The following ZCCHC2 variants were observed in gnomAD, a reference collection of about 807,000 sequenced individuals.
ZCCHC2 encodes the protein zinc finger CCHC-type containing 2.
Under a neutral mutation model 103.6 loss-of-function variants are expected in ZCCHC2, and 39 were observed. That is an observed-to-expected ratio of 0.38 (90% CI 0.29 to 0.49). ZCCHC2 has a LOEUF of 0.49. Ranked by LOEUF, ZCCHC2 falls within the 20% of genes least tolerant of loss-of-function variation. The pLI, the probability that ZCCHC2 is intolerant of heterozygous loss-of-function variation, is 0.96. For synonymous variants in ZCCHC2, 687 were observed against 608.9 expected (o/e 1.13, Z -1.89); for missense variants, 1,483 against 1,491.0 (o/e 0.99, Z 0.09).
In ZCCHC2 at chr18:62,571,661, C is replaced by T. The variant is rs1449653990; in HGVS notation, c.1975+1430C>T. Among the ~76,000 whole-genome samples the T allele has an allele frequency of 3.9e-5, 6 of 152,270 alleles. No individual in the cohort carries two copies. In the East Asian group the frequency reaches 7.7e-4, roughly 20 times the overall value. The stretch of plus-strand genomic sequence containing the variant: ...TGTCATTCTTTATGCATGATGACAA[C>T]GTCTGATTGGTAACACCTTGGTTAC... On this transcript the variant is annotated intron_variant, in intron 12 of 13. Transcript: ENST00000269499.
chr18:62,569,501 G>GAAA (rs146238632), intron 11 of ZCCHC2, among the ~76,000 whole-genome samples: 21 of 149,208 alleles, frequency 1.4e-4, no homozygotes, highest in Admixed American at 2.7e-4. Context: ...GCCACTACAG[G>GAAA]AAAAAAAAAA....
At chr18:62,586,555 G>C (rs1052316) in exon 15 of ZCCHC2, 3 of 151,842 alleles carry the variant, frequency 2.0e-5, no homozygotes, top group Admixed American at 6.5e-5. Context: ...TGAATTAGGC[G>C]TAGCTCTTGG....
Position 62,574,805 on chromosome 18 carries a change from A to G in ZCCHC2, c.2724A>G (p.Ser908=), listed in dbSNP as rs1916748904. 1.2e-6 allele frequency: 2 copies of G among 1,613,790 alleles called. No homozygotes were observed. Among genetic ancestry groups the G allele is most frequent in the African/African-American group, 2.7e-5 (2 of 74,878 alleles). Residue 908 remains serine, a synonymous_variant, in exon 13 of 14, where the codon TCA becomes TCG. Transcript: ENST00000269499. ...VKVVLPAAGL[S]AAQPPASYPL... is the part of the protein sequence containing the mutation. ...TAGTTCTTCCAGCAGCTGGCCTCTC[A>G]GCTGCTCAGCCACCAGCTTCCTACC...
chr18:62,575,443 G>T lies in ZCCHC2; in HGVS notation c.3362G>T (p.Ser1121Ile). Residue 1121 changes from serine (S) to isoleucine (I), a missense_variant, in exon 13 of 14, where the codon AGT becomes ATT. Transcript: ENST00000269499. ...GCACCTAACGTAGTTGCCAACACCA[G>T]TGGTTCGGGGCCCAAGAAGAATGGG... ...YPAPNVVANT[S>I]GSGPKKNGNV... 1.2e-6 allele frequency: 2 copies of T among 1,614,032 alleles called. No homozygotes were observed. Among genetic ancestry groups the T allele is most frequent in the Non-Finnish European group, 1.7e-6 (2 of 1,179,892 alleles).
intron 6 of ZCCHC2, 55 bp from the exon 7 acceptor site, chr18:62,558,632 G>A: frequency 2.8e-6 from 3 of 1,061,132 alleles, no homozygotes; most frequent in Non-Finnish European, 4.0e-6. Flanking sequence ...TATTATATTT[G>A]TTTTCTTTAT....
chr18:62,576,467 C>A (rs148664996), intron 13 of ZCCHC2, 45 bp from the exon 14 acceptor site: 44 of 1,537,872 alleles, frequency 2.9e-5, no homozygotes, highest in Non-Finnish European at 3.7e-5. Context: ...TTTGTGATGA[C>A]GTTTGCTTGT....
chr18:62,563,234 A>C (rs1916204075), intron 9 of ZCCHC2, 90 bp downstream of exon 9: 2 of 1,447,116 alleles, frequency 1.4e-6, no homozygotes, highest in Admixed American at 4.1e-5. Context: ...TCAGTCAGAC[A>C]GTATATCTGG....
At chr18:62,525,681 A>G (rs993591016) in intron 1 of ZCCHC2, among the ~76,000 whole-genome samples, 8 of 151,962 alleles carry the variant, frequency 5.3e-5, no homozygotes, top group African/African-American at 1.7e-4. Context: ...TGAGGTAACT[A>G]ATTCATGTTT....
Position 62,523,507 on chromosome 18 carries a change from G to A in ZCCHC2, c.83G>A (p.Arg28Gln). 2.0e-6 allele frequency: 2 copies of A among 983,340 alleles called. No individual in the cohort carries two copies. Among genetic ancestry groups the A allele is most frequent in the Non-Finnish European group, 2.4e-6 (2 of 828,870 alleles). 60.9% of individuals were successfully genotyped at this position (983,340 alleles called of 1,614,324 possible). The stretch of plus-strand genomic sequence containing the variant: ...GCGGAGGAGCCCGAGGCGGACGCGC[G>A]GCCGGGCGCGAAGGCGCCTTCGCGC... ...PEAEEPEADARPGAKAPSRRR... is the reference protein window; with the variant it reads ...PEAEEPEADAQPGAKAPSRRR... The change falls in exon 1 of 14, where the codon CGG becomes CAG. Residue 28 changes from arginine (R) to glutamine (Q), a missense_variant. Around this residue, in one of 3 missense-constraint regions of ZCCHC2, gnomAD observed 568 missense variants for 525.1 expected, o/e 1.08. Transcript: ENST00000269499.
Position 62,564,563 on chromosome 18 carries a change from T to A in ZCCHC2, c.1687-8T>A, listed in dbSNP as rs1166865333. 1 of 1,525,466 alleles carries A rather than the reference T, an allele frequency of 6.6e-7. No homozygotes were observed. The highest frequency in any genetic ancestry group is 1.3e-5 in the South Asian group (1 of 79,786). 94.5% of individuals were successfully genotyped at this position (1,525,466 alleles called of 1,614,324 possible). ...TTGTCTGATTTGTCTTTTTATTCTTTCTACTAGCATTCTGCTGAAAAACGG... is the reference window on the plus strand; with the variant it reads ...TTGTCTGATTTGTCTTTTTATTCTTACTACTAGCATTCTGCTGAAAAACGG... On this transcript the variant is annotated splice_polypyrimidine_tract_variant and splice_region_variant and intron_variant, in intron 9 of 13. Coordinates refer to ENST00000269499, the MANE Select transcript of ZCCHC2 (RefSeq NM_017742.6).
At position 62,578,418 on chromosome 18, in the gene ZCCHC2, T is replaced by G. The variant is rs1199097927; in HGVS notation, c.*1839T>G. Reference sequence around the variant, plus strand: ...TATTTTATGATTTAAAATACTGTACTGTACATAGGAGGTATGTTACCTTCT... The same window carrying G: ...TATTTTATGATTTAAAATACTGTACGGTACATAGGAGGTATGTTACCTTCT... On this transcript the variant is annotated 3_prime_UTR_variant, in exon 14 of 14. Transcript: ENST00000269499. 1 of 152,670 alleles carries G rather than the reference T, an allele frequency of 6.6e-6. No individual in the cohort carries two copies. Among genetic ancestry groups the G allele is most frequent in the Non-Finnish European group, 1.5e-5 (1 of 68,044 alleles). The allele number at this position is 152,670 out of a possible 1,614,324, so 9.5% of individuals were successfully genotyped here.
intron 2 of ZCCHC2, among the ~76,000 whole-genome samples, chr18:62,541,639 C>T (rs1915186855): frequency 6.6e-6 from 1 of 152,146 alleles, no homozygotes; most frequent in Non-Finnish European, 1.5e-5. Context: ...CTGATATTAC[C>T]TCCCTCATTA....
chr18:62,549,342 A>T (rs1915565263), intron 4 of ZCCHC2, among the ~76,000 whole-genome samples: 1 of 152,274 alleles, frequency 6.6e-6, no homozygotes, highest in Non-Finnish European at 1.5e-5. Context: ...CTGACAGAGC[A>T]TCTTGATCTT....
chr18:62,548,887 T>C (rs1199917732), intron 4 of ZCCHC2, among the ~76,000 whole-genome samples: 1 of 150,646 alleles, frequency 6.6e-6, no homozygotes, highest in Non-Finnish European at 1.5e-5. Context: ...ATCATGCCAC[T>C]GCACTCCAGC....
At chr18:62,558,019 GT>G (rs58635928) in intron 6 of ZCCHC2, among the ~76,000 whole-genome samples, 33,340 of 146,806 alleles carry the variant, frequency 0.23, 3,869 homozygotes, top group South Asian at 0.31. Context: ...ACACTGTTGG[GT>G]TTTTTTTTTT....
Position 62,558,784 on chromosome 18 carries a change from C to G in ZCCHC2, c.1492+14C>G, listed in dbSNP as rs200591400. 4.3e-4 allele frequency: 654 copies of G among 1,508,180 alleles called. 3 individuals carry two copies. The highest frequency in any genetic ancestry group is 3.9e-3 in the South Asian group (307 of 79,710). 93.4% of individuals were successfully genotyped at this position (1,508,180 alleles called of 1,614,324 possible). ...GTCAAGAAGAAGGTAAAGGTAGATT[C>G]ACTAGAGTAAATCATTCTGCCTGCT... On this transcript the variant is annotated intron_variant, in intron 7 of 13. Coordinates refer to ENST00000269499, the MANE Select transcript of ZCCHC2 (RefSeq NM_017742.6).
intron 1 of ZCCHC2, among the ~76,000 whole-genome samples, chr18:62,538,541 G>C (rs965015657): frequency 2.0e-5 from 3 of 152,128 alleles, no homozygotes; most frequent in African/African-American, 7.2e-5. Flanking sequence ...AATTGGTAAA[G>C]GCTATCAGGC....
chr18:62,532,129 G>A (rs1277645728), intron 1 of ZCCHC2, among the ~76,000 whole-genome samples: 4 of 152,354 alleles, frequency 2.6e-5, no homozygotes, highest in Admixed American at 1.3e-4. Flanking sequence ...GTGTGCGCGC[G>A]CGCGCACGTG....
At chr18:62,561,882 A>G (rs556205874) in intron 8 of ZCCHC2, among the ~76,000 whole-genome samples, 1 of 152,282 alleles carries the variant, frequency 6.6e-6, no homozygotes, top group African/African-American at 2.4e-5. Flanking sequence ...CTGATTTTAG[A>G]AAACTAGCTT....
Sources: gnomAD v4.1 joint callset for allele counts (sites outside exome capture counted in the v4.1 genomes callset) on GRCh38, gnomAD v4.1.1 for gene constraint, gnomAD v4.1.1 regional missense constraint, MANE v1.5 for transcripts, NCBI Gene and HGNC (gene_info 2026-07-23, HGNC 2026-07-21) for gene names.